SQSTM1: variants seen among roughly 807,000 people sequenced by gnomAD.
SQSTM1 encodes sequestosome-1.
A neutral mutation model predicts 45.1 loss-of-function variants in SQSTM1; 36 were observed. That is an observed-to-expected ratio of 0.80 (90% CI 0.61 to 1.05). The LOEUF (loss-of-function observed/expected upper bound fraction) is 1.05, where lower values mean the gene tolerates loss of function less well. Among genes scored for constraint, SQSTM1 ranks in the 50% least tolerant of loss-of-function variants. The pLI is 0.00. For missense variants in SQSTM1, 617 were observed against 607.1 expected (o/e 1.02, Z -0.17); for synonymous variants, 290 against 244.3 (o/e 1.19, Z -1.74).
At chr5:179,834,608 G>T (rs894486670) in intron 7 of SQSTM1, among the ~76,000 whole-genome samples, 2 of 151,750 alleles carry the variant, frequency 1.3e-5, no homozygotes, top group East Asian at 3.9e-4. Context: ...AGGGAGTGGT[G>T]ATGACTCTTA....
In SQSTM1 at chr5:179,833,060, C is replaced by T. The variant is rs145001811; in HGVS notation, c.783C>T (p.His261=). 8.3e-5 allele frequency: 134 copies of T among 1,614,110 alleles called. No individual in the cohort carries two copies. In the African/African-American group the frequency reaches 1.2e-3, roughly 14 times the overall value. ...LGIEVDIDVE[H]GGKRSRLTPV... ...TTGAAGTTGATATCGATGTGGAGCACGGAGGGAAAAGAAGCCGCCTGACCC... is the reference window on the plus strand; with the variant it reads ...TTGAAGTTGATATCGATGTGGAGCATGGAGGGAAAAGAAGCCGCCTGACCC... The change falls in exon 6 of 8, where the codon CAC becomes CAT. Residue 261 remains histidine, a synonymous_variant. Coordinates refer to ENST00000389805, the MANE Select transcript of SQSTM1 (RefSeq NM_003900.5).
At chr5:179,814,818 G>A (rs2113466933), upstream of SQSTM1, among the ~76,000 whole-genome samples, 1 of 152,212 alleles carries the variant, frequency 6.6e-6, no homozygotes, top group Middle Eastern at 3.4e-3. Context: ...CACTTTAGGA[G>A]GCCGAGGCGG....
chr5:179,825,143 A>G lies in SQSTM1; in HGVS notation c.674-3A>G, dbSNP rs1192795987. 6.2e-7 allele frequency: 1 copy of G among 1,613,990 alleles called. No homozygotes were observed. The highest frequency in any genetic ancestry group is 8.5e-7 in the Non-Finnish European group (1 of 1,179,960). On this transcript the variant is annotated splice_region_variant and splice_polypyrimidine_tract_variant and intron_variant, in intron 4 of 7. Coordinates refer to ENST00000389805, the MANE Select transcript of SQSTM1 (RefSeq NM_003900.5). The stretch of plus-strand genomic sequence containing the variant: ...CTTTATCTTATCTTTGTAAAAATCA[A>G]AGCTTCTGGTCCATCGGAGGATCCG...
At chr5:179,829,519 A>G (rs563470146) in intron 5 of SQSTM1, among the ~76,000 whole-genome samples, 1 of 152,236 alleles carries the variant, frequency 6.6e-6, no homozygotes, top group East Asian at 1.9e-4. Context: ...TGAGATACAA[A>G]AGAGCATTGT....
In SQSTM1 at chr5:179,837,740, T is replaced by C. The variant is rs1561612331; in HGVS notation, c.*1147T>C. ...AGGTGGCAGGACAAATTGCGCCCAT[T>C]TAGAGGATGTGGCTGTAACCTGCTG... On this transcript the variant is annotated 3_prime_UTR_variant, in exon 8 of 8. Coordinates refer to ENST00000389805, the MANE Select transcript of SQSTM1 (RefSeq NM_003900.5). 2 of 1,614,244 alleles carry C rather than the reference T, an allele frequency of 1.2e-6. No homozygotes were observed. Among genetic ancestry groups the C allele is most frequent in the Non-Finnish European group, 1.7e-6 (2 of 1,180,044 alleles).
chr5:179,826,984 G>A (rs1758020419), intron 5 of SQSTM1, among the ~76,000 whole-genome samples: 2 of 152,180 alleles, frequency 1.3e-5, no homozygotes, highest in African/African-American at 2.4e-5. Flanking sequence ...CACTCTGGAC[G>A]TAGTAAAGGT....
intron 2 of SQSTM1, chr5:179,813,574 G>A (rs557167682): frequency 4.6e-5 from 7 of 151,952 alleles, no homozygotes; most frequent in South Asian, 2.1e-4. Flanking sequence ...TTAACACAGC[G>A]AGACCCTCCT....
intron 4 of SQSTM1, among the ~76,000 whole-genome samples, 192 bp downstream of exon 4, chr5:179,824,515 G>A (rs1024518993): frequency 6.6e-6 from 1 of 152,198 alleles, no homozygotes; most frequent in Non-Finnish European, 1.5e-5. Context: ...GGAAACTGAG[G>A]TGCCTAAGTG....
chr5:179,821,226 G>A (rs1037745809), intron 1 of SQSTM1, 85 bp downstream of exon 1: 1 of 1,234,886 alleles, frequency 8.1e-7, no homozygotes, highest in Non-Finnish European at 1.0e-6. Context: ...TCCCTTCTCG[G>A]CGACGCCTGG....
rs1198187382 is a variant in SQSTM1, at chr5:179,837,005, G to A, written c.*412G>A. Reference sequence around the variant, plus strand: ...ACAGACCTGGTACACTCTGATTTTAGATAAAGTAAGCCTAGGTGTTGTCAG... The same window carrying A: ...ACAGACCTGGTACACTCTGATTTTAAATAAAGTAAGCCTAGGTGTTGTCAG... On this transcript the variant is annotated 3_prime_UTR_variant, in exon 8 of 8. Coordinates refer to ENST00000389805, the MANE Select transcript of SQSTM1 (RefSeq NM_003900.5). The A allele has an allele frequency of 3.3e-6, 2 of 615,070 alleles. No individual in the cohort carries two copies. The highest frequency in any genetic ancestry group is 2.0e-5 in the South Asian group (1 of 50,898). 38.1% of individuals were successfully genotyped at this position (615,070 alleles called of 1,614,324 possible). A position where few individuals can be genotyped will look rare whatever the true frequency, so the allele number is the denominator to read the frequency against.
At chr5:179,822,087 G>A (rs1184887634) in intron 1 of SQSTM1, among the ~76,000 whole-genome samples, 2 of 152,252 alleles carry the variant, frequency 1.3e-5, no homozygotes, top group South Asian at 2.1e-4. Context: ...CCTTATAAAC[G>A]CCATACATAC....
intron 7 of SQSTM1, 116 bp from the exon 8 acceptor site, chr5:179,836,320 G>A: frequency 7.1e-7 from 1 of 1,403,002 alleles, no homozygotes; most frequent in Non-Finnish European, 1.0e-6. Flanking sequence ...AGAGCTCTGG[G>A]CAGGCTCGGA....
At chr5:179,834,555 C>T (rs1758420442) in intron 7 of SQSTM1, among the ~76,000 whole-genome samples, 2 of 151,282 alleles carry the variant, frequency 1.3e-5, no homozygotes, top group South Asian at 4.2e-4. Flanking sequence ...GCAGAGGACC[C>T]TGCGGCCTTC....
At chr5:179,832,992 G>A (rs1353711590) in intron 5 of SQSTM1, 40 bp from the exon 6 acceptor site, 1 of 1,608,672 alleles carries the variant, frequency 6.2e-7, no homozygotes, top group Admixed American at 1.7e-5. Context: ...TGCATCCTTG[G>A]GGGAACTTCA....
chr5:179,822,986 C>T lies in SQSTM1; in HGVS notation c.234C>T (p.Ser78=), dbSNP rs746426826. ...RDEDGDLVAF[S]SDEELTMAMS... ...AGGACGGGGACTTGGTTGCCTTTTC[C>T]AGTGACGAGGAATTGACAATGGCCA... The change falls in exon 2 of 8, where the codon TCC becomes TCT. Residue 78 remains serine, a synonymous_variant. Transcript: ENST00000389805. 3 of 1,614,114 alleles carry T rather than the reference C, an allele frequency of 1.9e-6. No individual in the cohort carries two copies. The Admixed American group carries it at 5.0e-5, about 27-fold the overall frequency.
At chr5:179,807,714 G>C (rs1055027663) in intron 1 of SQSTM1, 9 of 152,330 alleles carry the variant, frequency 5.9e-5, no homozygotes, top group African/African-American at 2.2e-4. Context: ...GTGCAGTGGC[G>C]CAATCTCGGC....
At chr5:179,823,498 G>C (rs1757869004) in intron 2 of SQSTM1, 1 of 285,314 alleles carries the variant, frequency 3.5e-6, no homozygotes, top group Non-Finnish European at 6.5e-6. Context: ...TAAGTGCTGT[G>C]CCTGACCTGA....
At chr5:179,835,290 C>T (rs886097154) in intron 7 of SQSTM1, 9 of 175,494 alleles carry the variant, frequency 5.1e-5, no homozygotes, top group Admixed American at 1.3e-4. Flanking sequence ...GGGTGGCGGC[C>T]GGGCAGAGGC....
chr5:179,824,135 A>G lies in SQSTM1; in HGVS notation c.532-47A>G, dbSNP rs1468802225. The stretch of plus-strand genomic sequence containing the variant: ...CCTGGGGTGGGCTCAGGGTGGCAGG[A>G]ACCTTGACCCGCTCACTGCCTGCCG... On this transcript the variant is annotated intron_variant, in intron 3 of 7. Transcript: ENST00000389805. 3 of 1,613,506 alleles carry G rather than the reference A, an allele frequency of 1.9e-6. 1 individual carries two copies. In the South Asian group the frequency reaches 3.3e-5, roughly 18 times the overall value.
Sources: gnomAD v4.1 joint callset for allele counts (sites outside exome capture counted in the v4.1 genomes callset) on GRCh38, gnomAD v4.1.1 for gene constraint, MANE v1.5 for transcripts, NCBI Gene and HGNC (gene_info 2026-07-23, HGNC 2026-07-21) for gene names.